The following SRCAP variants were observed in gnomAD, a reference collection of about 807,000 sequenced individuals.
The protein encoded by SRCAP is Snf2 related CREBBP activator protein, also known as chromatin remodeling protein SRCAP.
SRCAP carries 46 observed loss-of-function variants against 263.1 expected under a neutral mutation model. The observed-to-expected ratio is 0.17, with a 90% CI of 0.14 to 0.22. SRCAP has a LOEUF of 0.22. SRCAP is among the 10% of genes least tolerant of loss of function. The pLI is 1.00. For synonymous variants in SRCAP, 1,813 were observed against 1,662.1 expected (o/e 1.09, Z -2.21); for missense variants, 3,695 against 4,181.9 (o/e 0.88, Z 3.21).
In SRCAP at chr16:30,724,746, G is replaced by A. The variant is rs773168431; in HGVS notation, c.5322G>A (p.Ser1774=). The A allele has an allele frequency of 5.5e-5, 88 of 1,613,778 alleles. No homozygotes were observed. The highest frequency in any genetic ancestry group is 4.4e-5 in the South Asian group (4 of 91,076). The change falls in exon 25 of 34, where the codon TCG becomes TCA. Residue 1774 remains serine (S), a synonymous_variant. Coordinates refer to ENST00000262518, the MANE Select transcript of SRCAP (RefSeq NM_006662.3). Reference sequence around the variant, plus strand: ...ACACGCTGACTTTGGCTCCAGCATCGTCATCTGCTTCACTCCTGGCCCCAG... The same window carrying A: ...ACACGCTGACTTTGGCTCCAGCATCATCATCTGCTTCACTCCTGGCCCCAG... ...PAHTLTLAPA[S]SSASLLAPAS...
rs2151301004 is a variant in SRCAP at position 30,738,855 on chromosome 16, C to T, written c.8815C>T (p.Arg2939Ter). 6.2e-7 allele frequency: 1 copy of T among 1,614,142 alleles called. No homozygotes were observed. The highest frequency in any genetic ancestry group is 8.5e-7 in the Non-Finnish European group (1 of 1,180,006). ...PLLSPVEKRR[R>*]GRPPKARDLP... ...CCTGTCACCTGTGGAGAAAAGAAGG[C>T]GAGGACGACCCCCTAAAGCACGAGA... Residue 2939 changes from arginine to a stop codon, truncating the protein, a stop_gained, in exon 34 of 34, where the codon CGA (arginine) becomes TGA (stop). Coordinates refer to ENST00000262518, the MANE Select transcript of SRCAP (RefSeq NM_006662.3). LOFTEE classifies it high-confidence loss of function.
In SRCAP at chr16:30,709,929, A is replaced by G. The variant is rs1292954452; in HGVS notation, c.935A>G (p.Asn312Ser). 8 of 1,614,102 alleles carry G rather than the reference A, an allele frequency of 5.0e-6. No homozygotes were observed. Among genetic ancestry groups the G allele is most frequent in the East Asian group, 2.2e-5 (1 of 44,904 alleles). The change falls in exon 8 of 34, where the codon AAT becomes AGT. Residue 312 changes from asparagine to serine, a missense_variant. By Grantham distance (46) the Asn-to-Ser change is conservative (BLOSUM62 1). Around this residue, in one of 12 missense-constraint regions of SRCAP, gnomAD observed 30 missense variants for 54.1 expected, o/e 0.55. Transcript: ENST00000262518. ...GAAGTTGAAGAACAACAGGAAGGCA[A>G]TGATGCAGAGGCCCAGAGGCGTGAG... ...TIEVEEQQEG[N>S]DAEAQRREIE...
chr16:30,703,289 G>T (rs2052789882), intron 3 of SRCAP, among the ~76,000 whole-genome samples: 1 of 151,218 alleles, frequency 6.6e-6, no homozygotes, highest in African/African-American at 2.4e-5. Context: ...CGCCTCCCAG[G>T]TTCAAGCGAT....
At chr16:30,702,571 C>CTGCCT (rs2052778753) in intron 3 of SRCAP, among the ~76,000 whole-genome samples, 1 of 113,868 alleles carries the variant, frequency 8.8e-6, no homozygotes, top group Non-Finnish European at 1.8e-5. Context: ...CCTCCCTTCC[C>CTGCCT]TCCCTCCCTC....
rs1166589223 is a variant in SRCAP at position 30,738,566 on chromosome 16, G to C, written c.8526G>C (p.Glu2842Asp). Residue 2842 changes from glutamate (E) to aspartate (D), a missense_variant, in exon 34 of 34, where the codon GAG becomes GAC. Around this residue, in one of 12 missense-constraint regions of SRCAP, gnomAD observed 1,207 missense variants for 1,142.9 expected, o/e 1.06. Coordinates refer to ENST00000262518, the MANE Select transcript of SRCAP (RefSeq NM_006662.3). ...GGGTGACTGGTGGTGGCAGCCCCGA[G>C]AATGGAGACGGAGCACTGCTCGCCA... ...ELGVTGGGSPENGDGALLAIT... is the reference protein window; with the variant it reads ...ELGVTGGGSPDNGDGALLAIT... 3.1e-6 allele frequency: 5 copies of C among 1,609,966 alleles called. No homozygotes were observed. The highest frequency in any genetic ancestry group is 1.3e-5 in the African/African-American group (1 of 74,704).
Position 30,724,287 on chromosome 16 carries a change from C to T in SRCAP, c.4863C>T (p.Val1621=). 6.2e-7 allele frequency: 1 copy of T among 1,614,088 alleles called. No homozygotes were observed. Among genetic ancestry groups the T allele is most frequent in the Non-Finnish European group, 8.5e-7 (1 of 1,180,010 alleles). ...VLAPSPGAAP[V]LASSQTPVPV... ...CACCATCGCCAGGTGCTGCTCCTGTCCTGGCTTCATCACAGACTCCGGTTC... is the reference window on the plus strand; with the variant it reads ...CACCATCGCCAGGTGCTGCTCCTGTTCTGGCTTCATCACAGACTCCGGTTC... Residue 1621 remains valine, a synonymous_variant, in exon 25 of 34, where the codon GTC becomes GTT. Transcript: ENST00000262518.
intron 31 of SRCAP, 101 bp downstream of exon 31, chr16:30,734,716 T>A: frequency 2.0e-6 from 3 of 1,536,148 alleles, no homozygotes; most frequent in South Asian, 2.4e-5. Context: ...GAGATGTTTC[T>A]TCTGCTTCCC....
At chr16:30,719,954 C>T (rs1265984281) in intron 18 of SRCAP, among the ~76,000 whole-genome samples, 3 of 152,144 alleles carry the variant, frequency 2.0e-5, no homozygotes, top group African/African-American at 7.2e-5. Context: ...GCCCCTTGCC[C>T]GCCACAGTCG....
chr16:30,714,697 C>T (rs1038212842), intron 16 of SRCAP, among the ~76,000 whole-genome samples: 1 of 151,998 alleles, frequency 6.6e-6, no homozygotes, highest in East Asian at 1.9e-4. Flanking sequence ...AGGCGGATTT[C>T]GCCATGTTGG....
intron 4 of SRCAP, 96 bp downstream of exon 4, chr16:30,704,411 A>C: frequency 6.8e-7 from 1 of 1,460,308 alleles, no homozygotes; most frequent in Non-Finnish European, 9.2e-7. Flanking sequence ...CTTTTTTGTC[A>C]TGGATTTAGG....
rs903069658 is a variant in SRCAP, at chr16:30,740,344, A to G, written c.*611A>G. 2 of 152,108 alleles carry G rather than the reference A, an allele frequency of 1.3e-5. No individual in the cohort carries two copies. The highest frequency in any genetic ancestry group is 4.8e-5 in the African/African-American group (2 of 41,360). 9.4% of individuals were successfully genotyped at this position (152,108 alleles called of 1,614,324 possible). A position where few individuals can be genotyped will look rare whatever the true frequency, so the allele number is the denominator to read the frequency against. On this transcript the variant is annotated 3_prime_UTR_variant, in exon 34 of 34. Coordinates refer to ENST00000262518, the MANE Select transcript of SRCAP (RefSeq NM_006662.3). ...TTCCCCAGTCAGTTTGAAGTCACAG[A>G]TATCCTTTTCCTCTCATTTCTTTTC...
At position 30,709,902 on chromosome 16, in the gene SRCAP, T is replaced by C; in HGVS notation, c.908T>C (p.Ile303Thr). The C allele has an allele frequency of 1.9e-6, 3 of 1,614,014 alleles. No individual in the cohort carries two copies. Among genetic ancestry groups the C allele is most frequent in the Non-Finnish European group, 2.5e-6 (3 of 1,180,002 alleles). The part of the protein sequence containing the change: ...EDEEEDDEET[I>T]EVEEQQEGND... ...GAGGAAGAGGATGATGAGGAAACGA[T>C]TGAAGTTGAAGAACAACAGGAAGGC... is the stretch of plus-strand genomic sequence containing the variant. Residue 303 changes from isoleucine to threonine, a missense_variant, in exon 8 of 34, where the codon ATT becomes ACT. Around this residue, in one of 12 missense-constraint regions of SRCAP, gnomAD observed 30 missense variants for 54.1 expected, o/e 0.55. Transcript: ENST00000262518.
intron 18 of SRCAP, among the ~76,000 whole-genome samples, chr16:30,718,382 G>C (rs1567245296): frequency 1.3e-5 from 2 of 151,848 alleles, no homozygotes; most frequent in South Asian, 4.1e-4. Context: ...TCGCCATGTT[G>C]GCCAGGCTGG....
At chr16:30,708,719 G>C (rs943972093) in intron 6 of SRCAP, among the ~76,000 whole-genome samples, 1 of 152,162 alleles carries the variant, frequency 6.6e-6, no homozygotes, top group African/African-American at 2.4e-5. Context: ...GTGGAGACAA[G>C]GTCTCGCTGT....
chr16:30,725,552 G>A (rs1747169948), intron 25 of SRCAP: 1 of 156,738 alleles, frequency 6.4e-6, no homozygotes. Context: ...TGTAATCAGA[G>A]CTGCTGCTTA....
At chr16:30,734,720 G>A in intron 31 of SRCAP, 105 bp downstream of exon 31, 1 of 1,521,998 alleles carries the variant, frequency 6.6e-7, no homozygotes, top group Non-Finnish European at 8.9e-7. Context: ...TGTTTCTTCT[G>A]CTTCCCAGAT....
chr16:30,719,575 A>T (rs1221227871), intron 18 of SRCAP, among the ~76,000 whole-genome samples: 2 of 151,008 alleles, frequency 1.3e-5, no homozygotes, highest in African/African-American at 4.9e-5. Context: ...GTGCATTGGC[A>T]TGATCATAGC....
At chr16:30,702,615 CCCT>C (rs2052780740) in intron 3 of SRCAP, among the ~76,000 whole-genome samples, 1 of 134,214 alleles carries the variant, frequency 7.5e-6, no homozygotes, top group Non-Finnish European at 1.6e-5. Context: ...CTCCCTCCCT[CCCT>C]CCTTCCTTCC....
intron 4 of SRCAP, among the ~76,000 whole-genome samples, chr16:30,705,706 G>A (rs1274881436): frequency 7.0e-6 from 1 of 142,636 alleles, no homozygotes; most frequent in African/African-American, 2.6e-5. Context: ...GCCACAATTG[G>A]GTTTTTTTTT....
Sources: allele counts gnomAD v4.1 joint callset (sites outside exome capture counted in the v4.1 genomes callset), GRCh38; gene constraint gnomAD v4.1.1; regional missense constraint gnomAD v4.1.1; transcripts MANE v1.5; gene names NCBI Gene and HGNC (gene_info 2026-07-23, HGNC 2026-07-21).